MDM2: variants seen among roughly 807,000 people sequenced by gnomAD.
MDM2 encodes MDM2 proto-oncogene, also known as E3 ubiquitin-protein ligase Mdm2.
A neutral mutation model predicts 64.3 loss-of-function variants in MDM2; 11 were observed. The ratio of observed to expected loss-of-function variants is 0.17; its 90% CI spans 0.11 to 0.28. The LOEUF (loss-of-function observed/expected upper bound fraction) is 0.28. Ranked by LOEUF, MDM2 falls within the 10% of genes least tolerant of loss-of-function variation. The probability of loss-of-function intolerance (pLI) is 1.00; values close to 1 mark genes in which losing one functional copy is unlikely to be tolerated. For synonymous variants in MDM2, 194 were observed against 192.9 expected (o/e 1.01, Z -0.05); for missense variants, 388 against 577.1 (o/e 0.67, Z 3.36).
intron 1 of MDM2, 38 bp downstream of exon 1, chr12:68,808,529 G>A (rs1257855208): frequency 6.2e-6 from 10 of 1,613,488 alleles, no homozygotes; most frequent in Middle Eastern, 1.7e-4. Context: ...TTTGGGTCTG[G>A]GCTCTGACGG....
At chr12:68,826,388 C>T (rs992050685) in intron 7 of MDM2, among the ~76,000 whole-genome samples, 8 of 152,002 alleles carry the variant, frequency 5.3e-5, no homozygotes, top group Non-Finnish European at 1.2e-4. Flanking sequence ...GTGGCTCACA[C>T]CTGTAATCCC....
rs1250712904 is a variant in MDM2, at chr12:68,844,559, G to T, written c.*4710G>T. The T allele has an allele frequency of 4.4e-6, 1 of 226,684 alleles. No homozygotes were observed. Among genetic ancestry groups the T allele is most frequent in the Non-Finnish European group, 8.8e-6 (1 of 113,946 alleles). The allele number at this position is 226,684 out of a possible 1,614,324, so 14.0% of individuals were successfully genotyped here. A position where few individuals can be genotyped will look rare whatever the true frequency, so the allele number is the denominator to read the frequency against. ...ACTTGTCAGCGTGAAAAGTAAGATT[G>T]TAATTGCCTGTTTAGTTTTCTGCCT... On this transcript the variant is annotated 3_prime_UTR_variant, in exon 11 of 11. Coordinates refer to ENST00000258149, the MANE Select transcript of MDM2 (RefSeq NM_002392.6).
intron 5 of MDM2, among the ~76,000 whole-genome samples, chr12:68,822,319 A>G (rs1163832261): frequency 6.6e-6 from 1 of 152,266 alleles, no homozygotes; most frequent in Non-Finnish European, 1.5e-5. Flanking sequence ...TTTTATCCCA[A>G]AATAAAAGTA....
intron 7 of MDM2, among the ~76,000 whole-genome samples, chr12:68,825,418 C>T (rs1240701812): frequency 6.6e-6 from 1 of 152,072 alleles, no homozygotes; most frequent in Non-Finnish European, 1.5e-5. Context: ...CTTTGGGAGG[C>T]CGAGGCGGGT....
downstream of MDM2, chr12:68,847,283 G>C (rs12811395): frequency 0.071 from 10,053 of 142,278 alleles, 489 homozygotes; most frequent in African/African-American, 0.13. Flanking sequence ...AGCAATCCTC[G>C]TGTCTTGACC....
chr12:68,818,942 G>C (rs1881622253), intron 4 of MDM2, among the ~76,000 whole-genome samples: 1 of 152,154 alleles, frequency 6.6e-6, no homozygotes, highest in South Asian at 2.1e-4. Flanking sequence ...ATGTTGGCCA[G>C]GCTGGTCTCG....
intron 5 of MDM2, chr12:68,824,055 C>T (rs987721703): frequency 3.5e-6 from 1 of 287,578 alleles, no homozygotes; most frequent in Non-Finnish European, 6.4e-6. Flanking sequence ...CAAAATATTT[C>T]CTGATTCTTT....
At chr12:68,835,392 A>G (rs1592597640) in intron 8 of MDM2, among the ~76,000 whole-genome samples, 1 of 152,336 alleles carries the variant, frequency 6.6e-6, no homozygotes, top group Middle Eastern at 3.4e-3. Flanking sequence ...TAGTTGAGGA[A>G]GCAATCTAGA....
intron 8 of MDM2, among the ~76,000 whole-genome samples, chr12:68,833,318 A>AAAATATATAT (rs1565744160): frequency 1.0e-5 from 1 of 96,046 alleles, no homozygotes; most frequent in East Asian, 2.5e-4. Flanking sequence ...TAAAAATATA[A>AAAATATATAT]TTATATAAAT....
rs1241047191 is a variant in MDM2 at position 68,842,667 on chromosome 12, A to G, written c.*2818A>G. The G allele has an allele frequency of 1.9e-5, 4 of 209,186 alleles. No individual in the cohort carries two copies. The highest frequency in any genetic ancestry group is 9.2e-5 in the African/African-American group (4 of 43,468). 13.0% of individuals were successfully genotyped at this position (209,186 alleles called of 1,614,324 possible). Reference sequence around the variant, plus strand: ...GGTACTAGACAACATGTAATTAATGACATTCAAAAATTTATGGCTAGTGAT... The same window carrying G: ...GGTACTAGACAACATGTAATTAATGGCATTCAAAAATTTATGGCTAGTGAT... On this transcript the variant is annotated 3_prime_UTR_variant, in exon 11 of 11. Transcript: ENST00000258149.
rs1178328767 is a variant in MDM2 at position 68,844,653 on chromosome 12, AAAAC to A, written c.*4808_*4811del. 1 of 225,360 alleles carries A rather than the reference AAAAC, an allele frequency of 4.4e-6. No homozygotes were observed. The highest frequency in any genetic ancestry group is 8.8e-6 in the Non-Finnish European group (1 of 113,716). The allele number at this position is 225,360 out of a possible 1,614,324, so 14.0% of individuals were successfully genotyped here. On this transcript the variant is annotated 3_prime_UTR_variant, in exon 11 of 11. Coordinates refer to ENST00000258149, the MANE Select transcript of MDM2 (RefSeq NM_002392.6). The stretch of plus-strand genomic sequence containing the variant: ...GGCACAAATGTAAGTACATCAGAAA[AAAAC>A]AAAAAAACTGGCTTTAAAGCAGGAG...
intron 8 of MDM2, among the ~76,000 whole-genome samples, chr12:68,831,447 A>C (rs1301530651): frequency 6.6e-6 from 1 of 152,168 alleles, no homozygotes; most frequent in Non-Finnish European, 1.5e-5. Flanking sequence ...ACACAAATGC[A>C]GGATGCCATG....
At chr12:68,833,149 AATATATAT>A (rs57734852) in intron 8 of MDM2, among the ~76,000 whole-genome samples, 71 of 65,976 alleles carry the variant, frequency 1.1e-3, no homozygotes, top group African/African-American at 3.4e-3. Context: ...AAAAAAAAAA[AATATATAT>A]ATATATATAT....
At chr12:68,821,323 G>A (rs1336181215) in intron 5 of MDM2, among the ~76,000 whole-genome samples, 1 of 152,074 alleles carries the variant, frequency 6.6e-6, no homozygotes. Flanking sequence ...TGGGATTACA[G>A]GTATGAGCCA....
chr12:68,818,706 A>G (rs1404021859), intron 4 of MDM2, among the ~76,000 whole-genome samples: 2 of 151,392 alleles, frequency 1.3e-5, no homozygotes, highest in Admixed American at 1.3e-4. Flanking sequence ...TTTTAAAAAT[A>G]ACTATATTGG....
intron 10 of MDM2, 24 bp downstream of exon 10, chr12:68,836,773 A>C: frequency 6.7e-7 from 1 of 1,498,134 alleles, no homozygotes; most frequent in Admixed American, 1.7e-5. Flanking sequence ...TACTTTTTTA[A>C]GAAATAAAAA....
Position 68,843,050 on chromosome 12 carries a change from G to A in MDM2, c.*3201G>A, listed in dbSNP as rs1883929177. On this transcript the variant is annotated 3_prime_UTR_variant, in exon 11 of 11. Coordinates refer to ENST00000258149, the MANE Select transcript of MDM2 (RefSeq NM_002392.6). ...ATTTTTCGAGCCTAGCAATGATCTA[G>A]AAGCAGATGTTATCTCAGTGCCTTT... The A allele has an allele frequency of 4.6e-6, 1 of 217,904 alleles. No individual in the cohort carries two copies. Among genetic ancestry groups the A allele is most frequent in the East Asian group, 6.7e-5 (1 of 14,822 alleles). 13.5% of individuals were successfully genotyped at this position (217,904 alleles called of 1,614,324 possible).
intron 2 of MDM2, among the ~76,000 whole-genome samples, chr12:68,811,787 A>C (rs908030265): frequency 2.0e-5 from 3 of 152,080 alleles, no homozygotes; most frequent in African/African-American, 7.2e-5. Flanking sequence ...CTTTTAGTAG[A>C]GATAGGGTTT....
At chr12:68,847,210 A>ATATATATATATATATATATATG (rs1565756805), downstream of MDM2, 37 of 135,114 alleles carry the variant, frequency 2.7e-4, 3 homozygotes, top group African/African-American at 1.1e-3. Context: ...ATATATATAT[A>ATATATATATATATATATATATG]TACTTTTTTT....
Sources: allele counts gnomAD v4.1 joint callset (sites outside exome capture counted in the v4.1 genomes callset), GRCh38; gene constraint gnomAD v4.1.1; transcripts MANE v1.5; gene names NCBI Gene and HGNC (gene_info 2026-07-23, HGNC 2026-07-21).